The following HSF1 variants were observed in gnomAD, a reference collection of about 807,000 sequenced individuals.
HSF1 encodes the protein heat shock transcription factor 1.
Under a neutral mutation model 51.7 loss-of-function variants are expected in HSF1, and 32 were observed. The ratio of observed to expected loss-of-function variants is 0.62; its 90% CI spans 0.47 to 0.83. The LOEUF (loss-of-function observed/expected upper bound fraction) is 0.83. HSF1 is among the 40% of genes least tolerant of loss of function. HSF1 has a pLI of 0.00. For missense variants in HSF1, 727 were observed against 717.0 expected (o/e 1.01, Z -0.16); for synonymous variants, 396 against 309.7 (o/e 1.28, Z -2.92).
At position 144,309,604 on chromosome 8, in the gene HSF1, C is replaced by T. The variant is rs782552994; in HGVS notation, c.363+13C>T. The T allele has an allele frequency of 2.5e-6, 4 of 1,613,412 alleles. No individual in the cohort carries two copies. Among genetic ancestry groups the T allele is most frequent in the Non-Finnish European group, 2.5e-6 (3 of 1,179,820 alleles). On this transcript the variant is annotated intron_variant, in intron 3 of 12. Transcript: ENST00000528838. The stretch of plus-strand genomic sequence containing the variant: ...GAAAGTGACCAGTGTGAGTGCCGGC[C>T]CTGCACCCTTGCCCGGTCTCACCTG...
Position 144,312,258 on chromosome 8 carries a change from AC to A in HSF1, c.1142+18del, listed in dbSNP as rs1554845070. On this transcript the variant is annotated intron_variant, in intron 9 of 12. Transcript: ENST00000528838. ...CTGCCTGGACAAGTGAGTGCCGCCC[AC>A]CCCTGGCCCCACCCACAGCGCCTGG... 9 of 1,087,458 alleles carry A rather than the reference AC, an allele frequency of 8.3e-6. No homozygotes were observed. Among genetic ancestry groups the A allele is most frequent in the Non-Finnish European group, 9.8e-6 (8 of 814,192 alleles). The allele number at this position is 1,087,458 out of a possible 1,614,324, so 67.4% of individuals were successfully genotyped here.
rs1009295067 is a variant in HSF1 at position 144,296,217 on chromosome 8, A to G, written c.117+4343A>G. Among the ~76,000 whole-genome samples the G allele has an allele frequency of 1.5e-4, 23 of 152,196 alleles. 1 individual carries two copies. Among genetic ancestry groups the G allele is most frequent in the Non-Finnish European group, 2.1e-4 (14 of 68,028 alleles). On this transcript the variant is annotated intron_variant, in intron 1 of 12. Transcript: ENST00000528838. ...GTAAGGCAGGGCAGGGCGTCCACTCATAAGCACACGAGGAGTTGCAGAAGC... is the reference window on the plus strand; with the variant it reads ...GTAAGGCAGGGCAGGGCGTCCACTCGTAAGCACACGAGGAGTTGCAGAAGC...
In HSF1 at chr8:144,314,350, C is replaced by T. The variant is rs376479959; in HGVS notation, c.*20C>T. 1.3e-4 allele frequency: 205 copies of T among 1,536,146 alleles called. No homozygotes were observed. Among genetic ancestry groups the T allele is most frequent in the Middle Eastern group, 1.7e-4 (1 of 5,972 alleles). ...TCCTAGAGGCCCCGGAGGAGCTGGG[C>T]CAGCCGCCCACCCCCACCCCCAGTG... On this transcript the variant is annotated 3_prime_UTR_variant, in exon 13 of 13. Coordinates refer to ENST00000528838, the MANE Select transcript of HSF1 (RefSeq NM_005526.4).
In HSF1 at chr8:144,311,983, T is replaced by C. The variant is rs782346222; in HGVS notation, c.881T>C (p.Leu294Pro). 6.3e-7 allele frequency: 1 copy of C among 1,589,920 alleles called. No homozygotes were observed. The highest frequency in any genetic ancestry group is 1.1e-5 in the South Asian group (1 of 89,230). Reference sequence around the variant, plus strand: ...TGCAGGCCCCTATCCAGCAGCCCCCTGGTGCGTGTCAAGGAGGAGCCCCCC... The same window carrying C: ...TGCAGGCCCCTATCCAGCAGCCCCCCGGTGCGTGTCAAGGAGGAGCCCCCC... The part of the protein sequence containing the change: ...IDERPLSSSP[L>P]VRVKEEPPSP... The change falls in exon 9 of 13, where the codon CTG becomes CCG. Residue 294 changes from leucine (L) to proline (P), a missense_variant. Coordinates refer to ENST00000528838, the MANE Select transcript of HSF1 (RefSeq NM_005526.4).
At chr8:144,306,341 ATT>A (rs1267274550) in intron 1 of HSF1, among the ~76,000 whole-genome samples, 1 of 102,756 alleles carries the variant, frequency 9.7e-6, no homozygotes, top group Admixed American at 9.8e-5. Context: ...GCATATCTCT[ATT>A]TTTTTTTTTA....
chr8:144,313,935 G>GGGGGAAC, intron 11 of HSF1, 24 bp downstream of exon 11: 12 of 1,610,074 alleles, frequency 7.5e-6, no homozygotes, highest in Non-Finnish European at 1.0e-5. Flanking sequence ...CGGGGGGTGA[G>GGGGGAAC]GGGGAACGAG....
rs566061620 is a variant in HSF1, at chr8:144,297,704, G to A, written c.117+5830G>A. Among the ~76,000 whole-genome samples, 5 of 152,292 alleles carry A rather than the reference G, an allele frequency of 3.3e-5. No homozygotes were observed. The highest frequency in any genetic ancestry group is 2.1e-4 in the South Asian group (1 of 4,824). On this transcript the variant is annotated intron_variant, in intron 1 of 12. Transcript: ENST00000528838. This position sits in a 1 kb window ranked among gnomAD's most constrained non-coding sequence, Gnocchi z 4.6. ...CCTAAAGCCTATACTCCCGGGACCC[G>A]GAGAGGGAACAGCCGGCCAGCCGAG...
chr8:144,313,346 C>T, intron 9 of HSF1, 165 bp from the exon 10 acceptor site: 1 of 586,356 alleles, frequency 1.7e-6, no homozygotes, highest in Non-Finnish European at 3.1e-6. Flanking sequence ...AGAGCCTCCA[C>T]TGCCTTCCAG....
chr8:144,291,864 G>C lies in HSF1; in HGVS notation c.107G>C (p.Cys36Ser). 1 of 1,536,536 alleles carries C rather than the reference G, an allele frequency of 6.5e-7. No individual in the cohort carries two copies. The highest frequency in any genetic ancestry group is 8.7e-7 in the Non-Finnish European group (1 of 1,146,732). ...GACCCGGACACCGACGCGCTCATCT[G>C]CTGGAGCCCGGTGAGGGCAGCGCGC... ...VSDPDTDALI[C>S]WSPSGNSFHV... The change falls in exon 1 of 13, where the codon TGC (cysteine) becomes TCC (serine). Residue 36 changes from cysteine to serine, a missense_variant. By Grantham distance (112) the Cys-to-Ser change is moderately radical. This residue lies in a region of HSF1 where 257 missense variants were observed against 318.3 expected (regional missense o/e 0.81). Transcript: ENST00000528838. The surrounding 1 kb of genome is among the most constrained non-coding windows in gnomAD (Gnocchi z 4.1).
chr8:144,296,683 T>C (rs1280157537), intron 1 of HSF1, among the ~76,000 whole-genome samples: 1 of 152,006 alleles, frequency 6.6e-6, no homozygotes, highest in East Asian at 1.9e-4. Context: ...GGTGGGTGCC[T>C]GTAGTCCCAG....
Position 144,300,182 on chromosome 8 carries a change from G to C in HSF1, c.117+8308G>C, listed in dbSNP as rs561211739. ...TCACCAGGGACCATGCTCACCATCA[G>C]CAGTGACATGCGTATCACTGTTGTG... On this transcript the variant is annotated intron_variant, in intron 1 of 12. Coordinates refer to ENST00000528838, the MANE Select transcript of HSF1 (RefSeq NM_005526.4). Among the ~76,000 whole-genome samples, 8 of 149,558 alleles carry C rather than the reference G, an allele frequency of 5.3e-5. No individual in the cohort carries two copies. In the South Asian group the frequency reaches 1.7e-3, roughly 32 times the overall value.
rs1816433540 is a variant in HSF1, at chr8:144,309,245, C to A, written c.227-210C>A. Reference sequence around the variant, plus strand: ...GAAGAACCGTGAAGCCGGAGCTGTACTCCACGTGTGTCGGGCGCAGGGAGC... The same window carrying A: ...GAAGAACCGTGAAGCCGGAGCTGTAATCCACGTGTGTCGGGCGCAGGGAGC... On this transcript the variant is annotated intron_variant, in intron 2 of 12. Transcript: ENST00000528838. The A allele has an allele frequency of 4.4e-6, 3 of 685,034 alleles. No individual in the cohort carries two copies. In the Admixed American group the frequency reaches 8.6e-5, roughly 20 times the overall value. The allele number at this position is 685,034 out of a possible 1,614,324, so 42.4% of individuals were successfully genotyped here. A position where few individuals can be genotyped will look rare whatever the true frequency, so the allele number is the denominator to read the frequency against.
intron 1 of HSF1, among the ~76,000 whole-genome samples, chr8:144,308,526 G>A (rs1288642863): frequency 3.3e-5 from 5 of 151,832 alleles, no homozygotes; most frequent in Admixed American, 6.6e-5. Context: ...GAGTGGAAAC[G>A]TGGCCAGAGT....
intron 1 of HSF1, 59 bp from the exon 2 acceptor site, chr8:144,308,847 G>A (rs530134354): frequency 1.6e-5 from 22 of 1,372,748 alleles, no homozygotes; most frequent in Admixed American, 3.4e-5. Context: ...GGGAAGGGGC[G>A]GCTTGGGCAC....
chr8:144,309,359 G>T, intron 2 of HSF1, 96 bp from the exon 3 acceptor site: 1 of 1,552,668 alleles, frequency 6.4e-7, no homozygotes, highest in Non-Finnish European at 8.8e-7. Context: ...TCTGACCATG[G>T]CCAAGCCCCG....
Position 144,313,465 on chromosome 8 carries a change from G to A in HSF1, c.1143-46G>A, listed in dbSNP as rs782471698. 8.6e-6 allele frequency: 11 copies of A among 1,282,344 alleles called. No individual in the cohort carries two copies. In the Admixed American group the frequency reaches 1.5e-4, roughly 18 times the overall value. 79.4% of individuals were successfully genotyped at this position (1,282,344 alleles called of 1,614,324 possible). ...TTCTCCCACAGGAGGGCATTGGGGT[G>A]TGGGGCCTGGGGCACTGGTTCAGGT... On this transcript the variant is annotated intron_variant, in intron 9 of 12. Transcript: ENST00000528838.
At chr8:144,293,901 A>C (rs1815280899) in intron 1 of HSF1, among the ~76,000 whole-genome samples, 1 of 150,832 alleles carries the variant, frequency 6.6e-6, no homozygotes, top group South Asian at 2.1e-4. Flanking sequence ...AAAGATTATG[A>C]GGCATGTGGG....
chr8:144,307,542 C>G (rs1816302282), intron 1 of HSF1, among the ~76,000 whole-genome samples: 1 of 152,234 alleles, frequency 6.6e-6, no homozygotes, highest in Non-Finnish European at 1.5e-5. Flanking sequence ...GAATTCGAGA[C>G]CAGTCTGGGC....
At chr8:144,311,872 A>G in intron 8 of HSF1, 36 bp downstream of exon 8, 1 of 1,587,134 alleles carries the variant, frequency 6.3e-7, no homozygotes, top group South Asian at 1.1e-5. Context: ...CCTGTCCCCC[A>G]ATGAGGCGAG....
Sources: gnomAD v4.1 joint callset for allele counts (sites outside exome capture counted in the v4.1 genomes callset) on GRCh38, gnomAD v4.1.1 for gene constraint, gnomAD v4.1.1 regional missense constraint, Gnocchi (gnomAD v3.1) non-coding constraint, MANE v1.5 for transcripts, NCBI Gene and HGNC (gene_info 2026-07-23, HGNC 2026-07-21) for gene names.